Variants in PRDM4 observed in about 807,000 individuals in gnomAD.
The protein encoded by PRDM4 is PR/SET domain 4.
In PRDM4, 38 loss-of-function variants were observed where a neutral mutation model predicts 62.3. The observed-to-expected ratio is 0.61, with a 90% confidence interval of 0.47 to 0.80. The LOEUF is 0.80. Ranked by LOEUF, PRDM4 falls within the 30% of genes least tolerant of loss-of-function variation. PRDM4 has a pLI of 0.00. For missense variants in PRDM4, 858 were observed against 997.1 expected, an observed-to-expected ratio of 0.86 and a Z score of 1.88; for synonymous variants, 339 against 348.2, an observed-to-expected ratio of 0.97 and a Z score of 0.30.
chr12:107,754,011 T>A lies in PRDM4; in HGVS notation c.244A>T (p.Met82Leu), dbSNP rs773751966. ...TAGTTTCTTTCAGGTAACCCACACATCACCCCTCGATCCCCAATACCCATT... is the reference window on the plus strand; with the variant it reads ...TAGTTTCTTTCAGGTAACCCACACAACACCCCTCGATCCCCAATACCCATT... The part of the protein sequence containing the change: ...LPMGIGDRGV[M>L]CGLPERNYTL... Residue 82 changes from methionine to leucine, a missense_variant, in exon 4 of 12, where the codon ATG (methionine) becomes TTG (leucine). Coordinates refer to ENST00000228437, the MANE Select transcript of PRDM4 (RefSeq NM_012406.4). 6.2e-7 allele frequency: 1 copy of A among 1,613,844 alleles called. No individual in the cohort carries two copies. The highest frequency in any genetic ancestry group is 1.3e-5 in the African/African-American group (1 of 74,880).
rs1166470629 is a variant in PRDM4 at position 107,734,061 on chromosome 12, G to C, written c.*149C>G. 1 of 775,746 alleles carries C rather than the reference G, an allele frequency of 1.3e-6. No homozygotes were observed. The highest frequency in any genetic ancestry group is 2.0e-6 in the Non-Finnish European group (1 of 497,228). 48.1% of individuals were successfully genotyped at this position (775,746 alleles called of 1,614,324 possible). A position where few individuals can be genotyped will look rare whatever the true frequency, so the allele number is the denominator to read the frequency against. The stretch of plus-strand genomic sequence containing the variant: ...AGTGTTTTCATTAGGATACTCTTCT[G>C]TAAGTGCTTTATTCATTCCCAGTCT... On this transcript the variant is annotated 3_prime_UTR_variant, in exon 12 of 12. Coordinates refer to ENST00000228437, the MANE Select transcript of PRDM4 (RefSeq NM_012406.4).
chr12:107,742,277 A>T lies in PRDM4; in HGVS notation c.1553T>A (p.Ile518Asn). The change falls in exon 9 of 12, where the codon ATC (isoleucine) becomes AAC (asparagine). Residue 518 changes from isoleucine (I) to asparagine (N), a missense_variant. By Grantham distance (149) the Ile-to-Asn change is moderately radical. This residue lies in a region of PRDM4 where 355 missense variants were observed against 432.6 expected (regional missense o/e 0.82). Coordinates refer to ENST00000228437, the MANE Select transcript of PRDM4 (RefSeq NM_012406.4). ...AAAAAGCAGTTCATTTTCAGGAGGG[A>T]TATCTTGTGAGGTGCAGAAAAAGAT... ...GKIFFCTSQD[I>N]PPENELLFYY... is the part of the protein sequence containing the mutation. 1.2e-6 allele frequency: 2 copies of T among 1,613,330 alleles called. No individual in the cohort carries two copies. The highest frequency in any genetic ancestry group is 1.7e-6 in the Non-Finnish European group (2 of 1,179,380).
At chr12:107,759,026 T>C (rs774216554) in intron 2 of PRDM4, among the ~76,000 whole-genome samples, 41 of 152,320 alleles carry the variant, frequency 2.7e-4, no homozygotes, top group Admixed American at 1.9e-3. Flanking sequence ...TCCCACACTT[T>C]GGGAGGCCAA....
At chr12:107,752,263 T>A in intron 4 of PRDM4, 54 bp from the exon 5 acceptor site, 2 of 1,307,586 alleles carry the variant, frequency 1.5e-6, no homozygotes, top group Admixed American at 3.8e-5. Context: ...TATTAAAGAA[T>A]TCCAAGCACT....
chr12:107,755,450 G>A (rs1430544115), intron 3 of PRDM4, among the ~76,000 whole-genome samples: 2 of 152,106 alleles, frequency 1.3e-5, no homozygotes, highest in Non-Finnish European at 2.9e-5. Context: ...CCACTAAAGG[G>A]AATGCCTACA....
chr12:107,760,057 G>A (rs1339694421), intron 2 of PRDM4: 2 of 153,172 alleles, frequency 1.3e-5, no homozygotes, highest in African/African-American at 4.8e-5. Flanking sequence ...CCTTTGAAAG[G>A]GCCTTGAAAA....
intron 11 of PRDM4, chr12:107,738,447 T>C (rs1182444379): frequency 6.6e-6 from 1 of 152,180 alleles, no homozygotes; most frequent in Admixed American, 6.6e-5. Context: ...AAGCCAAGTG[T>C]TTATCCAAAT....
intron 4 of PRDM4, among the ~76,000 whole-genome samples, chr12:107,752,737 C>T (rs1380192241): frequency 2.6e-5 from 4 of 152,088 alleles, no homozygotes; most frequent in Non-Finnish European, 4.4e-5. Flanking sequence ...GGAATGTAAA[C>T]TGCTAAAACT....
At chr12:107,742,625 A>C (rs981045104) in intron 8 of PRDM4, 1 of 400,852 alleles carries the variant, frequency 2.5e-6, no homozygotes, top group Non-Finnish European at 4.5e-6. Flanking sequence ...TCTTTAAAAA[A>C]CAGTATGACA....
chr12:107,751,800 G>A lies in PRDM4; in HGVS notation c.741C>T (p.Asp247=), dbSNP rs767251751. ...VDSVSNNLAA[D]AVGHGGVIPM... is the part of the protein sequence containing the mutation. ...GTATCACACCACCATGTCCTACAGC[G>A]TCTGCTGCAAGGTTGTTGCTCACAG... The change falls in exon 5 of 12, where the codon GAC becomes GAT. Residue 247 remains aspartate (D), a synonymous_variant. Coordinates refer to ENST00000228437, the MANE Select transcript of PRDM4 (RefSeq NM_012406.4). 79 of 1,614,082 alleles carry A rather than the reference G, an allele frequency of 4.9e-5. No homozygotes were observed. The Admixed American group carries it at 7.7e-4, about 16-fold the overall frequency.
Position 107,752,010 on chromosome 12 carries a change from A to G in PRDM4, c.531T>C (p.Ser177=). ...SRSVNTHGAQ[S]LHPSDGHEVA... ...CCTCATGGCCATCACTGGGATGAAG[A>G]CTTTGGGCACCATGTGTGTTCACAG... The change falls in exon 5 of 12, where the codon AGT becomes AGC. Residue 177 remains serine, a synonymous_variant. Transcript: ENST00000228437. 6.2e-6 allele frequency: 10 copies of G among 1,614,226 alleles called. No homozygotes were observed. The highest frequency in any genetic ancestry group is 7.6e-6 in the Non-Finnish European group (9 of 1,180,016).
chr12:107,742,292 C>A lies in PRDM4; in HGVS notation c.1538G>T (p.Cys513Phe). The change falls in exon 9 of 12, where the codon TGC (cysteine) becomes TTC (phenylalanine). Residue 513 changes from cysteine to phenylalanine, a missense_variant. Cys to Phe is a radical substitution (Grantham distance 205, BLOSUM62 -2). This residue lies in a region of PRDM4 where 355 missense variants were observed against 432.6 expected (regional missense o/e 0.82). Transcript: ENST00000228437. Reference protein sequence around the residue: ...AYPHDGKIFFCTSQDIPPENE... With the variant: ...AYPHDGKIFFFTSQDIPPENE... ...TTCAGGAGGGATATCTTGTGAGGTG[C>A]AGAAAAAGATTTTTCCATCATGAGG... 6.2e-7 allele frequency: 1 copy of A among 1,613,430 alleles called. No individual in the cohort carries two copies. Among genetic ancestry groups the A allele is most frequent in the Non-Finnish European group, 8.5e-7 (1 of 1,179,524 alleles).
intron 2 of PRDM4, chr12:107,759,824 C>T (rs1320872097): frequency 1.3e-5 from 2 of 152,252 alleles, no homozygotes; most frequent in Non-Finnish European, 2.9e-5. Flanking sequence ...TAAGCTCTAT[C>T]TTCCCTACTC....
chr12:107,760,405 CCTT>C, intron 2 of PRDM4, 97 bp downstream of exon 2: 15 of 1,488,538 alleles, frequency 1.0e-5, no homozygotes, highest in Non-Finnish European at 1.4e-5. Context: ...ACACCTGTAA[CCTT>C]CTCAATGGCA....
chr12:107,757,683 T>A (rs1289224780), intron 2 of PRDM4, among the ~76,000 whole-genome samples: 1 of 152,168 alleles, frequency 6.6e-6, no homozygotes, highest in Admixed American at 6.5e-5. Flanking sequence ...CAGATCAAAC[T>A]GCAAAACACT....
intron 11 of PRDM4, 53 bp from the exon 12 acceptor site, chr12:107,734,575 A>G: frequency 6.6e-7 from 1 of 1,519,246 alleles, no homozygotes; most frequent in Non-Finnish European, 9.0e-7. Context: ...ATAACAACTG[A>G]GGCAACACTT....
In PRDM4 at chr12:107,752,318, T is replaced by A. The variant is rs966177909; in HGVS notation, c.332-109A>T. ...ACATAACTAAGTTCAAATAATCTCC[T>A]GCTTCTTTAATTTAATCGATACACA... On this transcript the variant is annotated intron_variant, in intron 4 of 11. Transcript: ENST00000228437. The A allele has an allele frequency of 3.7e-5, 29 of 788,532 alleles. No homozygotes were observed. The East Asian group carries it at 7.5e-4, about 21-fold the overall frequency. The allele number at this position is 788,532 out of a possible 1,614,324, so 48.8% of individuals were successfully genotyped here.
At chr12:107,758,518 A>G (rs920285681) in intron 2 of PRDM4, 1 of 152,184 alleles carries the variant, frequency 6.6e-6, no homozygotes, top group Admixed American at 6.6e-5. Context: ...TTAAGATTCA[A>G]TGATGCTAGG....
intron 6 of PRDM4, among the ~76,000 whole-genome samples, chr12:107,745,484 C>T (rs565806283): frequency 3.9e-5 from 6 of 152,126 alleles, no homozygotes; most frequent in Admixed American, 3.9e-4. Context: ...AGGATGATTG[C>T]TTGAGCCCAG....
Sources: allele counts gnomAD v4.1 joint callset (sites outside exome capture counted in the v4.1 genomes callset), GRCh38; gene constraint gnomAD v4.1.1; regional missense constraint gnomAD v4.1.1; transcripts MANE v1.5; gene names NCBI Gene and HGNC (gene_info 2026-07-23, HGNC 2026-07-21).